The following GPC5 variants were observed in gnomAD, a reference collection of about 807,000 sequenced individuals.
GPC5 encodes glypican-5.
GPC5 carries 47 observed loss-of-function variants against 53.9 expected under a neutral mutation model. The observed-to-expected ratio is 0.87, with a 90% confidence interval of 0.69 to 1.11. The LOEUF (loss-of-function observed/expected upper bound fraction) is 1.11. Ranked by LOEUF, GPC5 falls within the 50% of genes most tolerant of loss-of-function variation. The pLI is 0.00. For synonymous variants in GPC5, 286 were observed against 263.3 expected (o/e 1.09, Z -0.84); for missense variants, 748 against 713.1 (o/e 1.05, Z -0.56).
chr13:92,573,856 C>T (rs1883110085), intron 7 of GPC5, among the ~76,000 whole-genome samples: 1 of 152,122 alleles, frequency 6.6e-6, no homozygotes, highest in African/African-American at 2.4e-5. Flanking sequence ...CATACCTGCC[C>T]AGTTGCAGTC....
At chr13:91,474,412 C>G (rs1329342809) in intron 2 of GPC5, among the ~76,000 whole-genome samples, 1 of 152,038 alleles carries the variant, frequency 6.6e-6, no homozygotes, top group African/African-American at 2.4e-5. Context: ...AATTTTCCTA[C>G]CATTTTTCTT....
intron 7 of GPC5, among the ~76,000 whole-genome samples, chr13:92,821,210 G>A (rs1276753169): frequency 1.3e-5 from 2 of 152,136 alleles, no homozygotes; most frequent in Non-Finnish European, 2.9e-5. Context: ...TTTGTTAAAT[G>A]AATGAATGAA....
chr13:92,056,649 G>T (rs974828754), intron 6 of GPC5, among the ~76,000 whole-genome samples: 1 of 151,944 alleles, frequency 6.6e-6, no homozygotes, highest in African/African-American at 2.4e-5. Context: ...TTTTTAAATG[G>T]GAAATAAAAG....
chr13:92,066,904 A>T (rs2041171960), intron 6 of GPC5, among the ~76,000 whole-genome samples: 2 of 152,084 alleles, frequency 1.3e-5, no homozygotes, highest in African/African-American at 2.4e-5. Flanking sequence ...AAATGTTAGA[A>T]AGGTGAACAT....
At chr13:92,005,039 T>C (rs1186042502) in intron 6 of GPC5, among the ~76,000 whole-genome samples, 2 of 152,156 alleles carry the variant, frequency 1.3e-5, no homozygotes, top group African/African-American at 4.8e-5. Flanking sequence ...CTGACTCAAA[T>C]ATGAATCTCC....
chr13:92,232,024 C>T lies in GPC5; in HGVS notation c.1561+87035C>T, dbSNP rs150254429. Among the ~76,000 whole-genome samples, 384 of 152,174 alleles carry T rather than the reference C, an allele frequency of 2.5e-3. 2 individuals are homozygous for T. The highest frequency in any genetic ancestry group is 8.7e-3 in the African/African-American group (361 of 41,530). ...AAATTCCCTGTGACTAAAGTTGTGG[C>T]ACCTATCTTGTTCTTGATGTAATAA... On this transcript the variant is annotated intron_variant, in intron 7 of 7. Coordinates refer to ENST00000377067, the MANE Select transcript of GPC5 (RefSeq NM_004466.6).
intron 7 of GPC5, among the ~76,000 whole-genome samples, chr13:92,451,736 C>T (rs1878068112): frequency 6.6e-6 from 1 of 152,058 alleles, no homozygotes; most frequent in Admixed American, 6.5e-5. Flanking sequence ...GTGTTTTCAC[C>T]TATTTTATAT....
chr13:91,851,662 C>T (rs2038915216), intron 5 of GPC5, among the ~76,000 whole-genome samples: 1 of 119,928 alleles, frequency 8.3e-6, no homozygotes, highest in African/African-American at 3.2e-5. Context: ...CCCCCCACCC[C>T]ACAACAGTCC....
At chr13:91,779,151 A>C (rs1015655499) in intron 5 of GPC5, among the ~76,000 whole-genome samples, 1 of 152,198 alleles carries the variant, frequency 6.6e-6, no homozygotes, top group African/African-American at 2.4e-5. Flanking sequence ...AATACTGCAC[A>C]CTTAGGCTAT....
chr13:91,705,452 A>G (rs985135581), intron 3 of GPC5, among the ~76,000 whole-genome samples: 4 of 152,204 alleles, frequency 2.6e-5, no homozygotes, highest in African/African-American at 9.6e-5. Context: ...GTTTTGGTAG[A>G]GTCAGTATTA....
At chr13:92,098,881 TA>T (rs905558372) in intron 6 of GPC5, among the ~76,000 whole-genome samples, 1 of 151,994 alleles carries the variant, frequency 6.6e-6, no homozygotes, top group African/African-American at 2.4e-5. Flanking sequence ...AAATGTAAGC[TA>T]ATACTTTACT....
intron 2 of GPC5, among the ~76,000 whole-genome samples, chr13:91,613,301 G>A (rs537750698): frequency 6.6e-6 from 1 of 152,158 alleles, no homozygotes; most frequent in Non-Finnish European, 1.5e-5. Context: ...TGTCTCACAT[G>A]GCAGCAGACA....
chr13:91,766,578 T>C (rs1489162802), intron 5 of GPC5, among the ~76,000 whole-genome samples: 2 of 152,146 alleles, frequency 1.3e-5, no homozygotes, highest in African/African-American at 2.4e-5. Context: ...AAAATGTGGG[T>C]AAGGCCGGGC....
intron 7 of GPC5, among the ~76,000 whole-genome samples, chr13:92,555,269 T>C (rs1037180976): frequency 6.6e-6 from 1 of 151,466 alleles, no homozygotes; most frequent in Non-Finnish European, 1.5e-5. Context: ...AATTTATTGA[T>C]AGAATAAGAC....
chr13:92,268,358 T>A (rs912893791), intron 7 of GPC5, among the ~76,000 whole-genome samples: 2 of 133,200 alleles, frequency 1.5e-5, no homozygotes, highest in Non-Finnish European at 1.6e-5. Flanking sequence ...CTTTCTATAC[T>A]TTTTTTTTCT....
intron 6 of GPC5, among the ~76,000 whole-genome samples, chr13:92,060,648 G>A (rs1329610541): frequency 6.6e-6 from 1 of 152,020 alleles, no homozygotes; most frequent in Non-Finnish European, 1.5e-5. Flanking sequence ...CTATGAAATA[G>A]CTATCCAGGA....
At chr13:92,850,827 G>A (rs545837865) in intron 7 of GPC5, among the ~76,000 whole-genome samples, 35 of 152,288 alleles carry the variant, frequency 2.3e-4, no homozygotes, top group South Asian at 4.1e-4. Context: ...GAGGGTAAAA[G>A]TAAAAGTATT....
In GPC5 at chr13:91,889,860, A is replaced by T. The variant is rs2138966117; in HGVS notation, c.1281-18077A>T. 1.3e-5 allele frequency among the ~76,000 whole-genome samples: 2 copies of T among 152,340 alleles called. 1 individual carries two copies. Among genetic ancestry groups the T allele is most frequent in the South Asian group, 4.1e-4 (2 of 4,828 alleles). On this transcript the variant is annotated intron_variant, in intron 5 of 7. Transcript: ENST00000377067. The stretch of plus-strand genomic sequence containing the variant: ...GCAAATGATTGCACAATTCATACTT[A>T]ATTACAACAATGATAAGTGCATCCT...
rs678686 is a variant in GPC5 at position 91,463,191 on chromosome 13, A to T, written c.325+14269A>T. On this transcript the variant is annotated intron_variant, in intron 2 of 7. Transcript: ENST00000377067. ...CTCCCGTATACTTTAAATCATCTCTAGATTACTTAAAATACTTAATGCAAC... is the reference window on the plus strand; with the variant it reads ...CTCCCGTATACTTTAAATCATCTCTTGATTACTTAAAATACTTAATGCAAC... 5.9e-5 allele frequency among the ~76,000 whole-genome samples: 9 copies of T among 152,022 alleles called. No individual in the cohort carries two copies. The Middle Eastern group carries it at 0.01, about 172-fold the overall frequency.
Sources: allele counts gnomAD v4.1 joint callset (sites outside exome capture counted in the v4.1 genomes callset), GRCh38; gene constraint gnomAD v4.1.1; transcripts MANE v1.5; gene names NCBI Gene and HGNC (gene_info 2026-07-23, HGNC 2026-07-21).